CRTC1: variants seen among roughly 807,000 people sequenced by gnomAD.
The protein encoded by CRTC1 is CREB regulated transcription coactivator 1.
CRTC1 carries 18 observed loss-of-function variants against 66.1 expected under a neutral mutation model. That is an observed-to-expected ratio of 0.27 (90% CI 0.19 to 0.40). CRTC1 has a LOEUF of 0.40. CRTC1 is among the 10% of genes least tolerant of loss of function. The pLI is 1.00. For synonymous variants in CRTC1, 416 were observed against 398.8 expected, an observed-to-expected ratio of 1.04 and a Z score of -0.51; for missense variants, 669 against 887.9, an observed-to-expected ratio of 0.75 and a Z score of 3.13.
chr19:18,744,517 C>T (rs544562846), intron 2 of CRTC1, among the ~76,000 whole-genome samples: 1 of 152,310 alleles, frequency 6.6e-6, no homozygotes, highest in South Asian at 2.1e-4. Flanking sequence ...CACACATACA[C>T]ACACGTGTGC....
intron 1 of CRTC1, among the ~76,000 whole-genome samples, chr19:18,711,713 G>A (rs1405454791): frequency 6.6e-6 from 1 of 152,036 alleles, no homozygotes; most frequent in Non-Finnish European, 1.5e-5. Flanking sequence ...TCCCGGCTGC[G>A]TTGGGAGGGG....
At chr19:18,684,768 T>G (rs8102046) in intron 1 of CRTC1, among the ~76,000 whole-genome samples, 102,919 of 152,084 alleles carry the variant, frequency 0.68, 36,501 homozygotes, top group African/African-American at 0.9. Context: ...CAGGCTCCTG[T>G]CTGGCAGAGC....
At chr19:18,727,832 C>T (rs2053796613) in intron 1 of CRTC1, among the ~76,000 whole-genome samples, 1 of 152,014 alleles carries the variant, frequency 6.6e-6, no homozygotes, top group Non-Finnish European at 1.5e-5. Context: ...GGAAGTTCTC[C>T]TGCCTCAGCC....
At chr19:18,706,956 C>T (rs563451567) in intron 1 of CRTC1, among the ~76,000 whole-genome samples, 49 of 152,188 alleles carry the variant, frequency 3.2e-4, no homozygotes, top group East Asian at 1.7e-3. Context: ...CTATATGATT[C>T]GCAAATATTT....
chr19:18,715,937 C>G (rs751174092), intron 1 of CRTC1, among the ~76,000 whole-genome samples: 7 of 152,216 alleles, frequency 4.6e-5, no homozygotes, highest in Non-Finnish European at 8.8e-5. Flanking sequence ...GAGCTGTCCC[C>G]GGCATTCCTG....
intron 2 of CRTC1, among the ~76,000 whole-genome samples, chr19:18,744,957 A>G (rs1409009590): frequency 5.3e-5 from 8 of 152,226 alleles, no homozygotes; most frequent in Non-Finnish European, 1.2e-4. Flanking sequence ...CCGGCTGCCC[A>G]GAGAAGGCAT....
chr19:18,703,922 C>G (rs569723964), intron 1 of CRTC1, among the ~76,000 whole-genome samples: 10 of 152,204 alleles, frequency 6.6e-5, no homozygotes, highest in Non-Finnish European at 1.2e-4. Flanking sequence ...GTCAAAGCAT[C>G]TCCTTTGATT....
In CRTC1 at chr19:18,780,542, G is replaced by A. The variant is rs963818928; in HGVS notation, c.*3160G>A. On this transcript the variant is annotated 3_prime_UTR_variant, in exon 14 of 14. Coordinates refer to ENST00000321949, the MANE Select transcript of CRTC1 (RefSeq NM_015321.3). ...TCTTCAGGGGGCCAAGCTCCCGGGA[G>A]GACCCCTAGCCAGGAGGGCCCCCCA... is the stretch of plus-strand genomic sequence containing the variant. The A allele has an allele frequency of 5.2e-5, 12 of 230,740 alleles. No individual in the cohort carries two copies. The highest frequency in any genetic ancestry group is 2.4e-4 in the African/African-American group (11 of 45,206). The allele number at this position is 230,740 out of a possible 1,614,324, so 14.3% of individuals were successfully genotyped here. A position where few individuals can be genotyped will look rare whatever the true frequency, so the allele number is the denominator to read the frequency against.
intron 1 of CRTC1, among the ~76,000 whole-genome samples, chr19:18,715,395 T>TA (rs1318517389): frequency 3.3e-5 from 5 of 152,352 alleles, no homozygotes; most frequent in African/African-American, 1.2e-4. Context: ...GCCTGGCTAA[T>TA]ACCCCTTCTC....
chr19:18,757,533 C>T (rs1404855389), intron 6 of CRTC1, among the ~76,000 whole-genome samples: 2 of 152,212 alleles, frequency 1.3e-5, no homozygotes, highest in Non-Finnish European at 2.9e-5. Context: ...AGGTACCCGG[C>T]AGGTCTTTCT....
intron 2 of CRTC1, among the ~76,000 whole-genome samples, chr19:18,744,491 AACACACACACACACACACACAT>A (rs1568516869): frequency 3.4e-5 from 5 of 148,910 alleles, no homozygotes; most frequent in East Asian, 2.0e-4. Flanking sequence ...CACACACACA[AACACACACACACACACACACAT>A]ACACACACGT....
intron 1 of CRTC1, among the ~76,000 whole-genome samples, chr19:18,728,182 G>T (rs934412511): frequency 2.6e-4 from 39 of 152,164 alleles, no homozygotes; most frequent in Non-Finnish European, 5.7e-4. Context: ...CAGGACAAGT[G>T]ACCCCTCCCC....
intron 1 of CRTC1, among the ~76,000 whole-genome samples, chr19:18,722,673 G>A (rs1461963782): frequency 1.3e-5 from 2 of 152,188 alleles, no homozygotes; most frequent in Non-Finnish European, 1.5e-5. Context: ...CCGTGGTGGC[G>A]TGTAGCACAC....
At chr19:18,744,180 C>T (rs376724061) in intron 2 of CRTC1, 16 of 1,607,202 alleles carry the variant, frequency 1.0e-5, no homozygotes, top group Middle Eastern at 1.7e-4. Context: ...AGGCTGAGGC[C>T]GCGGCGTCCC....
intron 11 of CRTC1, among the ~76,000 whole-genome samples, chr19:18,772,168 G>T (rs2054884517): frequency 6.6e-6 from 1 of 152,120 alleles, no homozygotes. Flanking sequence ...ACCCTGGCTT[G>T]CTCACGCCCC....
At chr19:18,752,250 G>A (rs756160714) in intron 5 of CRTC1, among the ~76,000 whole-genome samples, 27 of 152,140 alleles carry the variant, frequency 1.8e-4, no homozygotes, top group Non-Finnish European at 3.2e-4. Flanking sequence ...CGCCTCTGAG[G>A]CCCACGTTGG....
intron 8 of CRTC1, among the ~76,000 whole-genome samples, chr19:18,762,870 T>C (rs1163814802): frequency 6.6e-6 from 1 of 152,202 alleles, no homozygotes; most frequent in Non-Finnish European, 1.5e-5. Flanking sequence ...AGGGCAGACA[T>C]TAGAGACTGG....
Position 18,781,216 on chromosome 19 carries a change from G to T in CRTC1, c.*3834G>T. ...CCGTCACCCACATGTGGTGCCCTGG[G>T]CCAGGGCGTGCGGGCGCCAGAGCCT... is the stretch of plus-strand genomic sequence containing the variant. On this transcript the variant is annotated 3_prime_UTR_variant, in exon 14 of 14. Coordinates refer to ENST00000321949, the MANE Select transcript of CRTC1 (RefSeq NM_015321.3). 1 of 226,886 alleles carries T rather than the reference G, an allele frequency of 4.4e-6. No homozygotes were observed. Among genetic ancestry groups the T allele is most frequent in the South Asian group, 1.8e-4 (1 of 5,470 alleles). The allele number at this position is 226,886 out of a possible 1,614,324, so 14.1% of individuals were successfully genotyped here.
At position 18,737,739 on chromosome 19, in the gene CRTC1, G is replaced by GCTCCTCCTCCTCCTGCTC. The variant is rs1555782701; in HGVS notation, c.127-5157_127-5156insGCTCCTCCTCCTCCTCCT. ...ACCAAGCTGCCGCCCTCCTGCTGCT[G>GCTCCTCCTCCTCCTGCTC]CTCCTCCTCCTCCTCCTCCTCCTCC... On this transcript the variant is annotated intron_variant, in intron 1 of 13. Coordinates refer to ENST00000321949, the MANE Select transcript of CRTC1 (RefSeq NM_015321.3). Among the ~76,000 whole-genome samples the GCTCCTCCTCCTCCTGCTC allele has an allele frequency of 4.0e-5, 6 of 149,842 alleles. 1 individual carries two copies. In the South Asian group the frequency reaches 8.6e-4, roughly 21 times the overall value.
Sources: allele counts gnomAD v4.1 joint callset (sites outside exome capture counted in the v4.1 genomes callset), GRCh38; gene constraint gnomAD v4.1.1; transcripts MANE v1.5; gene names NCBI Gene and HGNC (gene_info 2026-07-23, HGNC 2026-07-21).